The following CHRM4 variants were observed in gnomAD, a reference collection of about 807,000 sequenced individuals.
CHRM4 encodes the protein cholinergic receptor muscarinic 4, also known as muscarinic acetylcholine receptor M4.
A neutral mutation model predicts 26.3 loss-of-function variants in CHRM4; 5 were observed. The observed-to-expected ratio is 0.19, with a 90% confidence interval of 0.10 to 0.40. CHRM4 has a LOEUF of 0.40. CHRM4 is among the 10% of genes least tolerant of loss of function. CHRM4 has a pLI of 1.00. For missense variants in CHRM4, 402 were observed against 664.5 expected, an observed-to-expected ratio of 0.60 and a Z score of 4.34; for synonymous variants, 290 against 285.3, an observed-to-expected ratio of 1.02 and a Z score of -0.16.
At chr11:46,390,096 G>A (rs1945378279) in intron 1 of CHRM4, among the ~76,000 whole-genome samples, 1 of 152,136 alleles carries the variant, frequency 6.6e-6, no homozygotes, top group African/African-American at 2.4e-5. Context: ...GAGAGTGGGT[G>A]ACCGGTCACA....
rs1362060729 is a variant in CHRM4 at position 46,385,502 on chromosome 11, C to G, written c.1056G>C (p.Glu352Asp). Residue 352 changes from glutamate (E) to aspartate (D), a missense_variant, in exon 2 of 2, where the codon GAG becomes GAC. Physicochemically the swap from Glu to Asp is conservative, Grantham distance 45. This residue lies in a region of CHRM4 where 205 missense variants were observed against 244.0 expected (regional missense o/e 0.84). Transcript: ENST00000682254. The surrounding 1 kb of genome is among the most constrained non-coding windows in gnomAD (Gnocchi z 6.3). The part of the protein sequence containing the change: ...IQIVTKQTGN[E>D]CVTAIEIVPA... ...GCACAATCTCAATGGCTGTCACACACTCATTGCCTGTCTGCTTCGTCACAA... is the reference window on the plus strand; with the variant it reads ...GCACAATCTCAATGGCTGTCACACAGTCATTGCCTGTCTGCTTCGTCACAA... 1.3e-6 allele frequency: 2 copies of G among 1,590,794 alleles called. No individual in the cohort carries two copies. Among genetic ancestry groups the G allele is most frequent in the Non-Finnish European group, 1.7e-6 (2 of 1,162,180 alleles).
Position 46,385,767 on chromosome 11 carries a change from C to G in CHRM4, c.791G>C (p.Arg264Pro), listed in dbSNP as rs201253128. Residue 264 changes from arginine (R) to proline (P), a missense_variant, in exon 2 of 2, where the codon CGG becomes CCG. Around this residue, in one of 5 missense-constraint regions of CHRM4, gnomAD observed 205 missense variants for 244.0 expected, o/e 0.84. Transcript: ENST00000682254. This position sits in a 1 kb window ranked among gnomAD's most constrained non-coding sequence, Gnocchi z 6.3. ...VKKPPPGEAAREELRNGKLEE... is the reference protein window; with the variant it reads ...VKKPPPGEAAPEELRNGKLEE... Reference sequence around the variant, plus strand: ...CAGCTTGCCATTGCGCAGCTCCTCCCGGGCGGCCTCCCCGGGCGGGGGCTT... The same window carrying G: ...CAGCTTGCCATTGCGCAGCTCCTCCGGGGCGGCCTCCCCGGGCGGGGGCTT... The G allele has an allele frequency of 6.3e-7, 1 of 1,597,008 alleles. No individual in the cohort carries two copies. The highest frequency in any genetic ancestry group is 1.7e-5 in the Admixed American group (1 of 57,380).
In CHRM4 at chr11:46,386,521, T is replaced by G. The variant is rs754071452; in HGVS notation, c.37A>C (p.Asn13His). ...GACGTGACCAGGCGCACGGACTGAT[T>G]GCCCGAGCTGCCATTGACAGGTGTG... ...NFTPVNGSSG[N>H]QSVRLVTSSS... is the part of the protein sequence containing the mutation. Residue 13 changes from asparagine to histidine, a missense_variant, in exon 2 of 2, where the codon AAT becomes CAT. Around this residue, in one of 5 missense-constraint regions of CHRM4, gnomAD observed 92 missense variants for 133.1 expected, o/e 0.69. Coordinates refer to ENST00000682254, the MANE Select transcript of CHRM4 (RefSeq NM_000741.5). The surrounding 1 kb of genome is among the most constrained non-coding windows in gnomAD (Gnocchi z 5.8). 2 of 1,612,560 alleles carry G rather than the reference T, an allele frequency of 1.2e-6. No individual in the cohort carries two copies. Among genetic ancestry groups the G allele is most frequent in the Non-Finnish European group, 1.7e-6 (2 of 1,179,152 alleles).
chr11:46,389,572 G>A (rs1047807566), intron 1 of CHRM4, among the ~76,000 whole-genome samples: 4 of 152,240 alleles, frequency 2.6e-5, no homozygotes, highest in Admixed American at 6.5e-5. Flanking sequence ...ACCGCTAGAT[G>A]GCAATGTCGG....
chr11:46,388,639 C>G (rs1945365017), intron 1 of CHRM4, among the ~76,000 whole-genome samples: 1 of 152,186 alleles, frequency 6.6e-6, no homozygotes, highest in African/African-American at 2.4e-5. Flanking sequence ...GGGCAAAGAC[C>G]ACATACTGCC....
In CHRM4 at chr11:46,391,680, CGGGCCGGCGGGG is replaced by C. The variant is rs1261597380; in HGVS notation, c.-191_-180del. Among the ~76,000 whole-genome samples the C allele has an allele frequency of 6.7e-6, 1 of 148,780 alleles. No homozygotes were observed. Among genetic ancestry groups the C allele is most frequent in the African/African-American group, 2.4e-5 (1 of 40,986 alleles). On this transcript the variant is annotated 5_prime_UTR_variant, in exon 1 of 2. Transcript: ENST00000682254. The surrounding 1 kb of genome is among the most constrained non-coding windows in gnomAD (Gnocchi z 6.3). ...ACGGCGGGACGGACGCGCGGCCCCG[CGGGCCGGCGGGG>C]CGGGCGGCCGGGCCGAGGGCCGGGG...
Position 46,384,007 on chromosome 11 carries a change from C to A in CHRM4, c.*1111G>T, listed in dbSNP as rs1209435894. On this transcript the variant is annotated 3_prime_UTR_variant, in exon 2 of 2. Transcript: ENST00000682254. ...TTCCAGGGCCCCTGAAAGGGTGCTC[C>A]CCATCAAGTCACCTAAGCCTTTCGG... 6.6e-6 allele frequency among the ~76,000 whole-genome samples: 1 copy of A among 152,160 alleles called. No homozygotes were observed. The highest frequency in any genetic ancestry group is 1.9e-4 in the East Asian group (1 of 5,194).
chr11:46,385,842 G>A lies in CHRM4; in HGVS notation c.716C>T (p.Ala239Val). 1.2e-6 allele frequency: 2 copies of A among 1,604,500 alleles called. No homozygotes were observed. Among genetic ancestry groups the A allele is most frequent in the Non-Finnish European group, 1.7e-6 (2 of 1,175,862 alleles). ...GCTCTTGAGGAAGGCCAGCGTCTTG[G>A]CTTTCTTCTCCTTCGGGCCCTCGGG... ...HRPEGPKEKK[A>V]KTLAFLKSPL... The change falls in exon 2 of 2, where the codon GCC (alanine) becomes GTC (valine). Residue 239 changes from alanine to valine, a missense_variant. Ala to Val is a moderately conservative substitution (Grantham distance 64). Coordinates refer to ENST00000682254, the MANE Select transcript of CHRM4 (RefSeq NM_000741.5). This position sits in a 1 kb window ranked among gnomAD's most constrained non-coding sequence, Gnocchi z 6.3.
rs560519830 is a variant in CHRM4, at chr11:46,387,034, C to T, written c.-29-448G>A. Among the ~76,000 whole-genome samples, 9 of 143,472 alleles carry T rather than the reference C, an allele frequency of 6.3e-5. No individual in the cohort carries two copies. In the South Asian group the frequency reaches 8.6e-4, roughly 14 times the overall value. The allele number at this position is 143,472 out of a possible 152,430, so 94.1% of individuals were successfully genotyped here. A position where few individuals can be genotyped will look rare whatever the true frequency, so the allele number is the denominator to read the frequency against. ...AGCCACAGCAAAGGCCTGGAGGCAGCGCAAGGCCTGGACAGAGGCCAGTGC... is the reference window on the plus strand; with the variant it reads ...AGCCACAGCAAAGGCCTGGAGGCAGTGCAAGGCCTGGACAGAGGCCAGTGC... On this transcript the variant is annotated intron_variant, in intron 1 of 1. Coordinates refer to ENST00000682254, the MANE Select transcript of CHRM4 (RefSeq NM_000741.5).
intron 1 of CHRM4, among the ~76,000 whole-genome samples, chr11:46,387,333 GGT>G (rs1370439275): frequency 1.3e-5 from 2 of 152,184 alleles, no homozygotes; most frequent in Non-Finnish European, 2.9e-5. Context: ...ACAGGGTCTT[GGT>G]ATGTTGTCCA....
chr11:46,387,303 TTATC>T (rs1189076437), intron 1 of CHRM4, among the ~76,000 whole-genome samples: 2 of 152,188 alleles, frequency 1.3e-5, no homozygotes, highest in African/African-American at 4.8e-5. Flanking sequence ...GTCTATTTAT[TTATC>T]TATTTATTTG....
intron 1 of CHRM4, among the ~76,000 whole-genome samples, chr11:46,388,683 C>T (rs947001656): frequency 9.9e-5 from 15 of 152,210 alleles, no homozygotes; most frequent in Admixed American, 9.8e-4. Flanking sequence ...CCATTTGGCT[C>T]TGAGAGCCTC....
chr11:46,385,885 G>C lies in CHRM4; in HGVS notation c.673C>G (p.Arg225Gly). 1.9e-6 allele frequency: 3 copies of C among 1,610,552 alleles called. No individual in the cohort carries two copies. Among genetic ancestry groups the C allele is most frequent in the Non-Finnish European group, 2.5e-6 (3 of 1,178,778 alleles). Residue 225 changes from arginine to glycine, a missense_variant, in exon 2 of 2, where the codon CGA becomes GGA. By Grantham distance (125) the Arg-to-Gly change is moderately radical. This residue lies in a region of CHRM4 where 205 missense variants were observed against 244.0 expected (regional missense o/e 0.84). Coordinates refer to ENST00000682254, the MANE Select transcript of CHRM4 (RefSeq NM_000741.5). This position sits in a 1 kb window ranked among gnomAD's most constrained non-coding sequence, Gnocchi z 6.3. ...YIHISLASRSRVHKHRPEGPK... is the reference protein window; with the variant it reads ...YIHISLASRSGVHKHRPEGPK... ...CCCTCGGGCCGGTGCTTGTGGACTCGGCTGCGACTGGCCAGGGAGATGTGG... is the reference window on the plus strand; with the variant it reads ...CCCTCGGGCCGGTGCTTGTGGACTCCGCTGCGACTGGCCAGGGAGATGTGG...
rs199633583 is a variant in CHRM4, at chr11:46,385,260, G to A, written c.1298C>T (p.Thr433Met). 18 of 1,613,982 alleles carry A rather than the reference G, an allele frequency of 1.1e-5. No individual in the cohort carries two copies. The highest frequency in any genetic ancestry group is 1.7e-5 in the Admixed American group (1 of 60,004). ...NTFCQSCIPDTVWSIGYWLCY... is the reference protein window; with the variant it reads ...NTFCQSCIPDMVWSIGYWLCY... ...GAGCCAGTAGCCAATGGACCACACCGTGTCAGGGATGCAGCTCTGGCAGAA... is the reference window on the plus strand; with the variant it reads ...GAGCCAGTAGCCAATGGACCACACCATGTCAGGGATGCAGCTCTGGCAGAA... The change falls in exon 2 of 2, where the codon ACG (threonine) becomes ATG (methionine). Residue 433 changes from threonine to methionine, a missense_variant. Coordinates refer to ENST00000682254, the MANE Select transcript of CHRM4 (RefSeq NM_000741.5). The surrounding 1 kb of genome is among the most constrained non-coding windows in gnomAD (Gnocchi z 6.3).
chr11:46,388,377 C>T (rs1945362381), intron 1 of CHRM4, among the ~76,000 whole-genome samples: 1 of 152,252 alleles, frequency 6.6e-6, no homozygotes, highest in Non-Finnish European at 1.5e-5. Flanking sequence ...CCTGGGACAT[C>T]CTCCCCAGCA....
In CHRM4 at chr11:46,391,116, G is replaced by C. The variant is rs2136555084; in HGVS notation, c.-30+415C>G. Among the ~76,000 whole-genome samples, 1 of 152,064 alleles carries C rather than the reference G, an allele frequency of 6.6e-6. No homozygotes were observed. The highest frequency in any genetic ancestry group is 1.9e-4 in the East Asian group (1 of 5,156). On this transcript the variant is annotated intron_variant, in intron 1 of 1. Transcript: ENST00000682254. The surrounding 1 kb of genome is among the most constrained non-coding windows in gnomAD (Gnocchi z 6.3). ...GGGGGAGGGGTGTCGGGGAGGGCAG[G>C]GGTGTTTTCCGTCGGGGCTCAAGGT...
chr11:46,389,953 G>A (rs1440191585), intron 1 of CHRM4, among the ~76,000 whole-genome samples: 1 of 152,252 alleles, frequency 6.6e-6, no homozygotes, highest in Admixed American at 6.5e-5. Flanking sequence ...GTGAGAGCGC[G>A]TGAGCATGCC....
Position 46,385,875 on chromosome 11 carries a change from T to C in CHRM4, c.683A>G (p.Lys228Arg). ...ISLASRSRVH[K>R]HRPEGPKEKK... The stretch of plus-strand genomic sequence containing the variant: ...CTCCTTCGGGCCCTCGGGCCGGTGC[T>C]TGTGGACTCGGCTGCGACTGGCCAG... Residue 228 changes from lysine (K) to arginine (R), a missense_variant, in exon 2 of 2, where the codon AAG becomes AGG. By Grantham distance (26) the Lys-to-Arg change is conservative. This residue lies in a region of CHRM4 where 205 missense variants were observed against 244.0 expected (regional missense o/e 0.84). Coordinates refer to ENST00000682254, the MANE Select transcript of CHRM4 (RefSeq NM_000741.5). The surrounding 1 kb of genome is among the most constrained non-coding windows in gnomAD (Gnocchi z 6.3). 6.2e-7 allele frequency: 1 copy of C among 1,610,168 alleles called. No individual in the cohort carries two copies. The highest frequency in any genetic ancestry group is 8.5e-7 in the Non-Finnish European group (1 of 1,178,554).
At position 46,386,252 on chromosome 11, in the gene CHRM4, G is replaced by T. The variant is rs376218212; in HGVS notation, c.306C>A (p.Ala102=). The part of the protein sequence containing the change: ...YIIKGYWPLG[A]VVCDLWLALD... Reference sequence around the variant, plus strand: ...GGGCCAGCCACAGGTCGCAGACCACGGCGCCCAGGGGCCAGTAGCCCTTGA... The same window carrying T: ...GGGCCAGCCACAGGTCGCAGACCACTGCGCCCAGGGGCCAGTAGCCCTTGA... Residue 102 remains alanine (A), a synonymous_variant, in exon 2 of 2, where the codon GCC becomes GCA. Coordinates refer to ENST00000682254, the MANE Select transcript of CHRM4 (RefSeq NM_000741.5). This position sits in a 1 kb window ranked among gnomAD's most constrained non-coding sequence, Gnocchi z 5.8. The T allele has an allele frequency of 1.9e-6, 3 of 1,613,744 alleles. No individual in the cohort carries two copies. Among genetic ancestry groups the T allele is most frequent in the African/African-American group, 2.7e-5 (2 of 74,920 alleles).
Sources: gnomAD v4.1 joint callset for allele counts (sites outside exome capture counted in the v4.1 genomes callset) on GRCh38, gnomAD v4.1.1 for gene constraint, gnomAD v4.1.1 regional missense constraint, Gnocchi (gnomAD v3.1) non-coding constraint, MANE v1.5 for transcripts, NCBI Gene and HGNC (gene_info 2026-07-23, HGNC 2026-07-21) for gene names.